NCAPD3: variants seen among roughly 807,000 people sequenced by gnomAD.
The protein encoded by NCAPD3 is condensin-2 complex subunit D3.
In NCAPD3, 105 loss-of-function variants were observed where a neutral mutation model predicts 182.9. The ratio of observed to expected loss-of-function variants is 0.57; its 90% CI spans 0.49 to 0.68. NCAPD3 has a LOEUF of 0.68. NCAPD3 is among the 30% of genes least tolerant of loss of function. NCAPD3 has a pLI of 0.00. For missense variants in NCAPD3, 1,944 were observed against 1,837.0 expected (o/e 1.06, Z -1.07); for synonymous variants, 815 against 679.9 (o/e 1.20, Z -3.09).
chr11:134,168,038 TGCCAAG>T lies in NCAPD3; in HGVS notation c.3525_3530del (p.Leu1176_Ala1177del), dbSNP rs1943908444. 2 of 1,614,004 alleles carry T rather than the reference TGCCAAG, an allele frequency of 1.2e-6. No homozygotes were observed. Among genetic ancestry groups the T allele is most frequent in the South Asian group, 2.2e-5 (2 of 91,092 alleles). On this transcript the variant is annotated inframe_deletion, in exon 27 of 35. Transcript: ENST00000534548. ...TCTGAGCTTCCTGCATGACTACATT[TGCCAAG>T]GCCATGTCATCTTCTTCCATAAGGA...
At chr11:134,155,909 T>C (rs1016136622) in intron 32 of NCAPD3, among the ~76,000 whole-genome samples, 8 of 152,120 alleles carry the variant, frequency 5.3e-5, no homozygotes, top group African/African-American at 1.4e-4. Context: ...GGATGAAAAT[T>C]ACCTCTAACC....
chr11:134,200,449 T>C (rs1050523669), intron 13 of NCAPD3, among the ~76,000 whole-genome samples: 2 of 152,278 alleles, frequency 1.3e-5, no homozygotes, highest in South Asian at 2.1e-4. Context: ...AGAAAACGTA[T>C]GTATATGGCC....
intron 32 of NCAPD3, 50 bp from the exon 33 acceptor site, chr11:134,153,413 G>A (rs1475479216): frequency 8.8e-6 from 14 of 1,583,590 alleles, no homozygotes; most frequent in Non-Finnish European, 1.1e-5. Context: ...GTCTATCGGA[G>A]GTCTCTGTTC....
chr11:134,167,875 TGGG>T (rs1183937492), intron 27 of NCAPD3, 118 bp downstream of exon 27: 1 of 913,750 alleles, frequency 1.1e-6, no homozygotes, highest in East Asian at 2.6e-5. Flanking sequence ...GAGATGAGCT[TGGG>T]GGAGGTGCAC....
At chr11:134,172,122 C>A (rs1475080212) in intron 24 of NCAPD3, among the ~76,000 whole-genome samples, 1 of 152,120 alleles carries the variant, frequency 6.6e-6, no homozygotes, top group African/African-American at 2.4e-5. Context: ...TGTGGGCTGG[C>A]TGCTGTTAAG....
chr11:134,175,298 C>T (rs1944134547), intron 24 of NCAPD3, among the ~76,000 whole-genome samples: 1 of 152,138 alleles, frequency 6.6e-6, no homozygotes, highest in African/African-American at 2.4e-5. Flanking sequence ...TCTCCTGGGC[C>T]ACGTACTGCG....
rs564816150 is a variant in NCAPD3 at position 134,196,967 on chromosome 11, G to A, written c.1616-2229C>T. Among the ~76,000 whole-genome samples, 32 of 152,304 alleles carry A rather than the reference G, an allele frequency of 2.1e-4. No individual in the cohort carries two copies. In the East Asian group the frequency reaches 6.0e-3, roughly 29 times the overall value. On this transcript the variant is annotated intron_variant, in intron 13 of 34. Coordinates refer to ENST00000534548, the MANE Select transcript of NCAPD3 (RefSeq NM_015261.3). Reference sequence around the variant, plus strand: ...TTGAACTGTAACACCCAGTGCTGGAGGCGGGGCCTGGTAGGGGTGTTTGGA... The same window carrying A: ...TTGAACTGTAACACCCAGTGCTGGAAGCGGGGCCTGGTAGGGGTGTTTGGA...
chr11:134,188,476 T>C (rs748630087), intron 16 of NCAPD3, among the ~76,000 whole-genome samples: 33 of 151,858 alleles, frequency 2.2e-4, no homozygotes, highest in Admixed American at 1.6e-3. Context: ...CTCTTCACAG[T>C]AAATCTTACT....
At chr11:134,209,285 C>G in intron 5 of NCAPD3, 28 bp downstream of exon 5, 1 of 1,609,196 alleles carries the variant, frequency 6.2e-7, no homozygotes, top group South Asian at 1.1e-5. Context: ...TTTGAAGTTG[C>G]CCTAAGGTTC....
chr11:134,157,061 G>A lies in NCAPD3; in HGVS notation c.4209C>T (p.Gly1403=), dbSNP rs772235687. The A allele has an allele frequency of 1.1e-5, 17 of 1,613,382 alleles. No homozygotes were observed. The highest frequency in any genetic ancestry group is 7.7e-5 in the South Asian group (7 of 90,968). The part of the protein sequence containing the change: ...SSYSLEQESN[G]EIEHVTKRAI... ...CCCGCTTGGTCACGTGCTCAATCTC[G>A]CCATTCGACTCTTGCTCCAAACTGT... Residue 1403 remains glycine (G), a synonymous_variant, in exon 32 of 35, where the codon GGC becomes GGT. Coordinates refer to ENST00000534548, the MANE Select transcript of NCAPD3 (RefSeq NM_015261.3).
chr11:134,185,015 G>C lies in NCAPD3; in HGVS notation c.2238-15C>G. On this transcript the variant is annotated splice_polypyrimidine_tract_variant and intron_variant, in intron 17 of 34. Coordinates refer to ENST00000534548, the MANE Select transcript of NCAPD3 (RefSeq NM_015261.3). The stretch of plus-strand genomic sequence containing the variant: ...GATTCTGCTGACTAGAGAAAGGGCA[G>C]GAGGAATATGAAGGGAGAAGCAAGT... The C allele has an allele frequency of 6.3e-7, 1 of 1,576,224 alleles. No individual in the cohort carries two copies. Among genetic ancestry groups the C allele is most frequent in the Non-Finnish European group, 8.7e-7 (1 of 1,145,646 alleles).
At chr11:134,177,621 T>C in intron 22 of NCAPD3, 164 bp from the exon 23 acceptor site, 1 of 616,730 alleles carries the variant, frequency 1.6e-6, no homozygotes, top group Non-Finnish European at 2.8e-6. Context: ...AGACCCATCT[T>C]GAATAGTCGA....
In NCAPD3 at chr11:134,223,953, C is replaced by T. The variant is rs747412412; in HGVS notation, c.-27G>A. On this transcript the variant is annotated 5_prime_UTR_variant, in exon 1 of 35. Coordinates refer to ENST00000534548, the MANE Select transcript of NCAPD3 (RefSeq NM_015261.3). The stretch of plus-strand genomic sequence containing the variant: ...ATCCCAGGGCACCGGCTCGCCGCCG[C>T]CGTGCTCAACTTTCAAAGCTCGCTC... The T allele has an allele frequency of 5.0e-5, 80 of 1,608,378 alleles. No homozygotes were observed. Among genetic ancestry groups the T allele is most frequent in the Non-Finnish European group, 6.4e-5 (75 of 1,178,410 alleles).
At chr11:134,192,983 G>A (rs772203268) in intron 15 of NCAPD3, 74 bp from the exon 16 acceptor site, 4 of 863,946 alleles carry the variant, frequency 4.6e-6, no homozygotes, top group Middle Eastern at 3.5e-4. Context: ...ATTTTGAGAT[G>A]TTAAAAATAA....
chr11:134,175,163 C>T (rs1334788633), intron 24 of NCAPD3, among the ~76,000 whole-genome samples: 1 of 152,194 alleles, frequency 6.6e-6, no homozygotes, highest in Non-Finnish European at 1.5e-5. Context: ...GATCATTGCT[C>T]TTTTTCACAT....
intron 24 of NCAPD3, among the ~76,000 whole-genome samples, chr11:134,174,360 G>A (rs1257471879): frequency 9.2e-6 from 1 of 108,364 alleles, no homozygotes. Flanking sequence ...TTCAGCCTGA[G>A]CAACAGAATG....
Position 134,178,841 on chromosome 11 carries a change from C to A in NCAPD3, c.2655G>T (p.Ser885=). 2.5e-6 allele frequency: 4 copies of A among 1,614,104 alleles called. No individual in the cohort carries two copies. Among genetic ancestry groups the A allele is most frequent in the East Asian group, 2.2e-5 (1 of 44,888 alleles). ...CCTTACAGTGGTCAGCATCAGCAGA[C>A]GAAGCCAGGACGGACTGAATCAGAA... The part of the protein sequence containing the change: ...IFLLIQSVLA[S]SADADHSPSS... Residue 885 remains serine, a synonymous_variant, in exon 21 of 35, where the codon TCG becomes TCT. Transcript: ENST00000534548.
chr11:134,212,125 A>G (rs910778352), intron 3 of NCAPD3, among the ~76,000 whole-genome samples: 1 of 152,218 alleles, frequency 6.6e-6, no homozygotes, highest in Non-Finnish European at 1.5e-5. Flanking sequence ...TGAAATAAAG[A>G]TATTTCACAC....
At chr11:134,185,654 T>C (rs1944389488) in intron 16 of NCAPD3, 128 bp from the exon 17 acceptor site, 1 of 651,120 alleles carries the variant, frequency 1.5e-6, no homozygotes, top group African/African-American at 1.9e-5. Flanking sequence ...GAAACTTATA[T>C]GTAGACGTTC....
Sources: allele counts gnomAD v4.1 joint callset (sites outside exome capture counted in the v4.1 genomes callset), GRCh38; gene constraint gnomAD v4.1.1; transcripts MANE v1.5; gene names NCBI Gene and HGNC (gene_info 2026-07-23, HGNC 2026-07-21).